The following LRCH1 variants were observed in gnomAD, a reference collection of about 807,000 sequenced individuals.
LRCH1 encodes leucine rich repeats and calponin homology domain containing 1.
A neutral mutation model predicts 94.9 loss-of-function variants in LRCH1; 23 were observed. The ratio of observed to expected loss-of-function variants is 0.24; its 90% CI spans 0.17 to 0.34. The LOEUF (loss-of-function observed/expected upper bound fraction) is 0.34. Among genes scored for constraint, LRCH1 ranks in the 10% least tolerant of loss-of-function variants. The pLI, the probability that LRCH1 is intolerant of heterozygous loss-of-function variation, is 1.00. For synonymous variants in LRCH1, 364 were observed against 354.9 expected (o/e 1.03, Z -0.29); for missense variants, 790 against 945.9 (o/e 0.84, Z 2.16).
At chr13:46,648,381 G>A (rs1396198563) in intron 1 of LRCH1, among the ~76,000 whole-genome samples, 2 of 152,172 alleles carry the variant, frequency 1.3e-5, no homozygotes, top group African/African-American at 4.8e-5. Flanking sequence ...AGTCTGGTCC[G>A]TGGCCTTGAT....
intron 1 of LRCH1, among the ~76,000 whole-genome samples, chr13:46,580,299 G>C (rs1262827373): frequency 2.0e-5 from 3 of 152,162 alleles, no homozygotes. Flanking sequence ...AGATAGTGAA[G>C]AGAGTTATTT....
chr13:46,694,421 T>A (rs1408325652), intron 8 of LRCH1, among the ~76,000 whole-genome samples: 2 of 152,166 alleles, frequency 1.3e-5, no homozygotes, highest in Non-Finnish European at 2.9e-5. Context: ...CTTGCCTAGT[T>A]CCCCTCCCAC....
chr13:46,724,105 C>G (rs556119396), intron 17 of LRCH1, among the ~76,000 whole-genome samples: 145 of 152,356 alleles, frequency 9.5e-4, no homozygotes, highest in African/African-American at 3.4e-3. Flanking sequence ...CCTCCCACCT[C>G]AGCCTCCTGA....
intron 1 of LRCH1, among the ~76,000 whole-genome samples, chr13:46,631,064 CTT>C (rs938703968): frequency 6.6e-6 from 1 of 152,210 alleles, no homozygotes; most frequent in Non-Finnish European, 1.5e-5. Flanking sequence ...GCAGTAAAGA[CTT>C]GAGGCTTTTT....
In LRCH1 at chr13:46,589,404, A is replaced by C. The variant is rs560603403; in HGVS notation, c.307+35701A>C. Among the ~76,000 whole-genome samples the C allele has an allele frequency of 4.6e-5, 7 of 152,186 alleles. No homozygotes were observed. In the South Asian group the frequency reaches 1.5e-3, roughly 32 times the overall value. On this transcript the variant is annotated intron_variant, in intron 1 of 19. Coordinates refer to ENST00000389797, the MANE Select transcript of LRCH1 (RefSeq NM_001164211.2). ...AGACACTAACATTTCAAAATATGAAAAATGAACGATAATTTTCTCATTATA... is the reference window on the plus strand; with the variant it reads ...AGACACTAACATTTCAAAATATGAACAATGAACGATAATTTTCTCATTATA...
intron 1 of LRCH1, among the ~76,000 whole-genome samples, chr13:46,603,236 G>T (rs2050651004): frequency 6.6e-6 from 1 of 152,036 alleles, no homozygotes; most frequent in Non-Finnish European, 1.5e-5. Context: ...GGGTGTGTCT[G>T]ATCCCTGGGG....
chr13:46,741,613 T>C (rs750991043), intron 19 of LRCH1, 29 bp from the exon 20 acceptor site: 1 of 1,613,902 alleles, frequency 6.2e-7, no homozygotes, highest in East Asian at 2.2e-5. Context: ...CACTGTCTCT[T>C]TCTGTTCTAA....
At chr13:46,645,472 T>A (rs1385665083) in intron 1 of LRCH1, among the ~76,000 whole-genome samples, 1 of 152,252 alleles carries the variant, frequency 6.6e-6, no homozygotes, top group Non-Finnish European at 1.5e-5. Flanking sequence ...ATTATGATGA[T>A]GAAACAAAAT....
chr13:46,722,531 A>G (rs539944278), intron 16 of LRCH1, among the ~76,000 whole-genome samples: 413 of 152,324 alleles, frequency 2.7e-3, no homozygotes, highest in South Asian at 6.4e-3. Context: ...TTCTCAGCTC[A>G]TTTCAGAGGA....
intron 1 of LRCH1, among the ~76,000 whole-genome samples, chr13:46,579,316 A>G (rs1021530637): frequency 3.3e-5 from 5 of 151,916 alleles, no homozygotes; most frequent in Non-Finnish European, 5.9e-5. Context: ...TATTTTTCCA[A>G]CTCTTCAGAG....
downstream of LRCH1, among the ~76,000 whole-genome samples, chr13:46,748,748 C>T (rs1874009454): frequency 6.6e-6 from 1 of 152,174 alleles, no homozygotes; most frequent in Non-Finnish European, 1.5e-5. Flanking sequence ...ACAAGATAAT[C>T]CTACTTTGAT....
chr13:46,595,991 T>C (rs776010568), intron 1 of LRCH1, among the ~76,000 whole-genome samples: 1 of 151,992 alleles, frequency 6.6e-6, no homozygotes, highest in African/African-American at 2.4e-5. Context: ...GGTGTAAAAG[T>C]GTTTTTAGTT....
At chr13:46,598,348 T>C (rs1315382333) in intron 1 of LRCH1, among the ~76,000 whole-genome samples, 6 of 151,830 alleles carry the variant, frequency 4.0e-5, no homozygotes, top group African/African-American at 1.5e-4. Context: ...TGCCCCAGTT[T>C]AGTGTACAAT....
Position 46,692,691 on chromosome 13 carries a change from TTATG to T in LRCH1, c.1120+52_1120+55del, listed in dbSNP as rs780697922. ...AGTGCTTGTTTTTCAGTTTCAAATG[TTATG>T]TTTAAAATAACCTGTGCACAGATAG... On this transcript the variant is annotated intron_variant, in intron 8 of 19. Coordinates refer to ENST00000389797, the MANE Select transcript of LRCH1 (RefSeq NM_001164211.2). The T allele has an allele frequency of 1.6e-5, 23 of 1,414,172 alleles. No homozygotes were observed. In the African/African-American group the frequency reaches 3.1e-4, roughly 19 times the overall value. 87.6% of individuals were successfully genotyped at this position (1,414,172 alleles called of 1,614,324 possible).
At chr13:46,750,471 G>C in intron 18 of LRCH1, 1 of 1,112,304 alleles carries the variant, frequency 9.0e-7, no homozygotes, top group Non-Finnish European at 1.3e-6. Context: ...TGTCATCAAC[G>C]ATGTAGCAGG....
chr13:46,575,746 A>G (rs1033671510), intron 1 of LRCH1, among the ~76,000 whole-genome samples: 1 of 152,164 alleles, frequency 6.6e-6, no homozygotes, highest in Non-Finnish European at 1.5e-5. Context: ...TACAGAAACC[A>G]TTGCCTAATT....
rs924218284 is a variant in LRCH1, at chr13:46,750,687, C to T, written c.*37C>T. The T allele has an allele frequency of 3.5e-6, 5 of 1,419,526 alleles. No homozygotes were observed. In the African/African-American group the frequency reaches 5.7e-5, roughly 16 times the overall value. 87.9% of individuals were successfully genotyped at this position (1,419,526 alleles called of 1,614,324 possible). A position where few individuals can be genotyped will look rare whatever the true frequency, so the allele number is the denominator to read the frequency against. ...CTCCATTGGGGGCTCAGACTCTGCT[C>T]TCATCCAGGATCCTGAACTCTGCTC... On this transcript the variant is annotated 3_prime_UTR_variant, in exon 19 of 19. Transcript: ENST00000311191.
At chr13:46,597,192 T>C (rs765945922) in intron 1 of LRCH1, among the ~76,000 whole-genome samples, 1 of 151,984 alleles carries the variant, frequency 6.6e-6, no homozygotes, top group Non-Finnish European at 1.5e-5. Context: ...CCGGTGGAGG[T>C]TGAACAAGGT....
chr13:46,741,797 C>G lies in LRCH1; in HGVS notation c.2241C>G (p.Leu747=). 1 of 1,614,210 alleles carries G rather than the reference C, an allele frequency of 6.2e-7. No individual in the cohort carries two copies. Among genetic ancestry groups the G allele is most frequent in the South Asian group, 1.1e-5 (1 of 91,082 alleles). Residue 747 remains leucine, a synonymous_variant, in exon 20 of 20, where the codon CTC becomes CTG. Coordinates refer to ENST00000389797, the MANE Select transcript of LRCH1 (RefSeq NM_001164211.2). ...DLIGFCLVHI[L]FIVLVYITYH... ...TAGGCTTCTGTCTTGTCCATATTCT[C>G]TTTATAGTGCTGGTCTATATCACTT...
Sources: gnomAD v4.1 joint callset for allele counts (sites outside exome capture counted in the v4.1 genomes callset) on GRCh38, gnomAD v4.1.1 for gene constraint, MANE v1.5 for transcripts, NCBI Gene and HGNC (gene_info 2026-07-23, HGNC 2026-07-21) for gene names.